PCYT1A: variants seen among roughly 807,000 people sequenced by gnomAD.
PCYT1A encodes the protein phosphate cytidylyltransferase 1A, choline, also known as choline-phosphate cytidylyltransferase A.
PCYT1A carries 25 observed loss-of-function variants against 43.7 expected under a neutral mutation model. That is an observed-to-expected ratio of 0.57 (90% CI 0.42 to 0.80). The LOEUF (loss-of-function observed/expected upper bound fraction) is 0.80, where lower values mean the gene tolerates loss of function less well. PCYT1A is among the 30% of genes least tolerant of loss of function. PCYT1A has a pLI of 0.00. For missense variants in PCYT1A, 421 were observed against 474.2 expected, an observed-to-expected ratio of 0.89 and a Z score of 1.04; for synonymous variants, 172 against 170.7, an observed-to-expected ratio of 1.01 and a Z score of -0.06.
Position 196,242,218 on chromosome 3 carries a change from A to G in PCYT1A, c.566-128T>C. Reference sequence around the variant, plus strand: ...AAGCAGAATCTGTTATTACTAAATGAAACTGAAAGATACTGATATACAGAA... The same window carrying G: ...AAGCAGAATCTGTTATTACTAAATGGAACTGAAAGATACTGATATACAGAA... On this transcript the variant is annotated intron_variant, in intron 6 of 8. Transcript: ENST00000431016. This position sits in a 1 kb window ranked among gnomAD's most constrained non-coding sequence, Gnocchi z 4.2. The G allele has an allele frequency of 1.1e-6, 1 of 927,388 alleles. No individual in the cohort carries two copies. The highest frequency in any genetic ancestry group is 1.7e-6 in the Non-Finnish European group (1 of 594,394). 57.4% of individuals were successfully genotyped at this position (927,388 alleles called of 1,614,324 possible).
chr3:196,250,661 A>G (rs574133149), intron 3 of PCYT1A: 74 of 167,450 alleles, frequency 4.4e-4, no homozygotes, highest in Admixed American at 1.8e-3. Context: ...CACTATGTTG[A>G]GGTTGAGGAT....
chr3:196,267,044 T>C (rs1301817522), intron 2 of PCYT1A, among the ~76,000 whole-genome samples: 1 of 151,946 alleles, frequency 6.6e-6, no homozygotes, highest in African/African-American at 2.4e-5. Flanking sequence ...CCGGATGTGG[T>C]GGCTGGCGCC....
Position 196,242,293 on chromosome 3 carries a change from C to T in PCYT1A, c.566-203G>A, listed in dbSNP as rs973417396. On this transcript the variant is annotated intron_variant, in intron 6 of 8. Transcript: ENST00000431016. The surrounding 1 kb of genome is among the most constrained non-coding windows in gnomAD (Gnocchi z 4.2). ...GTAAGGCAAAGAAGAGTTACATAGCCCTAATATTAAGAAAAATATGAGAAA... is the reference window on the plus strand; with the variant it reads ...GTAAGGCAAAGAAGAGTTACATAGCTCTAATATTAAGAAAAATATGAGAAA... 2 of 647,502 alleles carry T rather than the reference C, an allele frequency of 3.1e-6. No individual in the cohort carries two copies. Among genetic ancestry groups the T allele is most frequent in the Admixed American group, 2.5e-5 (1 of 40,808 alleles). 40.1% of individuals were successfully genotyped at this position (647,502 alleles called of 1,614,324 possible). A position where few individuals can be genotyped will look rare whatever the true frequency, so the allele number is the denominator to read the frequency against.
intron 5 of PCYT1A, among the ~76,000 whole-genome samples, chr3:196,244,000 C>T (rs1724459589): frequency 6.6e-6 from 1 of 151,848 alleles, no homozygotes; most frequent in Admixed American, 6.6e-5. Context: ...CGCCCATCGT[C>T]TGGGATGTGA....
chr3:196,264,521 C>T (rs1326886888), intron 2 of PCYT1A, among the ~76,000 whole-genome samples: 2 of 152,206 alleles, frequency 1.3e-5, no homozygotes, highest in African/African-American at 4.8e-5. Flanking sequence ...TTGTATCCTT[C>T]AAAGTTCAGC....
Position 196,242,655 on chromosome 3 carries a change from A to G in PCYT1A, c.487-15T>C. On this transcript the variant is annotated splice_polypyrimidine_tract_variant and intron_variant, in intron 5 of 8. Coordinates refer to ENST00000431016, the MANE Select transcript of PCYT1A (RefSeq NM_001312673.2). This position sits in a 1 kb window ranked among gnomAD's most constrained non-coding sequence, Gnocchi z 4.2. Reference sequence around the variant, plus strand: ...ACAAAATCAATCTGAAAATAAGGAAACATCATTAAAACCCATGATAACTGC... The same window carrying G: ...ACAAAATCAATCTGAAAATAAGGAAGCATCATTAAAACCCATGATAACTGC... 6.5e-7 allele frequency: 1 copy of G among 1,548,454 alleles called. No individual in the cohort carries two copies. The highest frequency in any genetic ancestry group is 8.9e-7 in the Non-Finnish European group (1 of 1,120,314).
intron 2 of PCYT1A, among the ~76,000 whole-genome samples, chr3:196,266,856 AAC>A (rs1411960506): frequency 6.6e-6 from 1 of 151,960 alleles, no homozygotes; most frequent in East Asian, 1.9e-4. Context: ...CAGCCTGGGC[AAC>A]AGAGTGAGAC....
chr3:196,261,019 T>C (rs1725093962), intron 2 of PCYT1A, among the ~76,000 whole-genome samples: 1 of 152,202 alleles, frequency 6.6e-6, no homozygotes, highest in South Asian at 2.1e-4. Flanking sequence ...AATAAAGTAC[T>C]GATACATGCT....
At chr3:196,271,570 TA>T (rs1725432054) in intron 1 of PCYT1A, among the ~76,000 whole-genome samples, 1 of 148,948 alleles carries the variant, frequency 6.7e-6, no homozygotes, top group Non-Finnish European at 1.5e-5. Flanking sequence ...AGGACCAGCA[TA>T]ATGTATTTTT....
intron 1 of PCYT1A, among the ~76,000 whole-genome samples, chr3:196,279,479 A>C (rs1226382676): frequency 2.0e-5 from 3 of 152,106 alleles, no homozygotes; most frequent in African/African-American, 7.2e-5. Context: ...GTGTCTCCAA[A>C]GTGCCCTCGA....
At chr3:196,248,370 T>C in intron 3 of PCYT1A, 47 bp from the exon 4 acceptor site, 1 of 1,176,998 alleles carries the variant, frequency 8.5e-7, no homozygotes, top group Admixed American at 1.8e-5. Flanking sequence ...TTTTTTTTTG[T>C]CATTTTTATT....
rs1308318121 is a variant in PCYT1A, at chr3:196,238,488, C to T, written c.*200G>A. 1 of 412,026 alleles carries T rather than the reference C, an allele frequency of 2.4e-6. No individual in the cohort carries two copies. Among genetic ancestry groups the T allele is most frequent in the South Asian group, 8.4e-5 (1 of 11,890 alleles). 25.5% of individuals were successfully genotyped at this position (412,026 alleles called of 1,614,324 possible). On this transcript the variant is annotated 3_prime_UTR_variant, in exon 9 of 9. Transcript: ENST00000431016. ...GCAGAGCAGGCTTCTAAGGTGCAGT[C>T]CCCCTCCTTCGTGTGGGTGAGTGAT...
At chr3:196,258,386 C>T (rs1405346022) in intron 2 of PCYT1A, among the ~76,000 whole-genome samples, 2 of 150,984 alleles carry the variant, frequency 1.3e-5, no homozygotes, top group Non-Finnish European at 2.9e-5. Flanking sequence ...TTGGATTGTT[C>T]CTTGATATTA....
At chr3:196,272,923 G>A (rs1012513657) in intron 1 of PCYT1A, among the ~76,000 whole-genome samples, 2 of 152,202 alleles carry the variant, frequency 1.3e-5, no homozygotes, top group African/African-American at 2.4e-5. Flanking sequence ...GGCTCGTTCC[G>A]TCCACTCAGC....
At chr3:196,246,003 T>C (rs1008935882) in intron 5 of PCYT1A, among the ~76,000 whole-genome samples, 4 of 151,664 alleles carry the variant, frequency 2.6e-5, no homozygotes, top group African/African-American at 9.7e-5. Flanking sequence ...TGAGTATATA[T>C]TGTTAACAAA....
chr3:196,284,697 G>A (rs1725857458), intron 1 of PCYT1A, among the ~76,000 whole-genome samples: 1 of 152,212 alleles, frequency 6.6e-6, no homozygotes, highest in African/African-American at 2.4e-5. Context: ...GAGGGGGAAT[G>A]AAGCTCATTC....
At position 196,246,555 on chromosome 3, in the gene PCYT1A, T is replaced by C. The variant is rs148621347; in HGVS notation, c.486+812A>G. Among the ~76,000 whole-genome samples, 18 of 152,308 alleles carry C rather than the reference T, an allele frequency of 1.2e-4. No individual in the cohort carries two copies. In the East Asian group the frequency reaches 3.5e-3, roughly 29 times the overall value. On this transcript the variant is annotated intron_variant, in intron 5 of 8. Coordinates refer to ENST00000431016, the MANE Select transcript of PCYT1A (RefSeq NM_001312673.2). ...CTGGCTGAAATCTGTTACTTTAATG[T>C]GGGAGAATTAAAAGGAGGTAAGGGG...
chr3:196,274,075 C>A, intron 1 of PCYT1A, among the ~76,000 whole-genome samples: 1 of 152,256 alleles, frequency 6.6e-6, no homozygotes, highest in Non-Finnish European at 1.5e-5. Flanking sequence ...TCAGCACTGC[C>A]CCTAGCACAC....
chr3:196,253,327 ACT>A (rs1724858755), intron 3 of PCYT1A, among the ~76,000 whole-genome samples: 2 of 149,696 alleles, frequency 1.3e-5, no homozygotes, highest in South Asian at 4.2e-4. Context: ...ACAGAGCAAG[ACT>A]CTGTCTCAAA....
Sources: gnomAD v4.1 joint callset for allele counts (sites outside exome capture counted in the v4.1 genomes callset) on GRCh38, gnomAD v4.1.1 for gene constraint, Gnocchi (gnomAD v3.1) non-coding constraint, MANE v1.5 for transcripts, NCBI Gene and HGNC (gene_info 2026-07-23, HGNC 2026-07-21) for gene names.